CLEC17A: variants seen among roughly 807,000 people sequenced by gnomAD.
CLEC17A encodes C-type lectin domain containing 17A, also known as C-type lectin domain family 17, member A.
A neutral mutation model predicts 61.3 loss-of-function variants in CLEC17A; 37 were observed. That is an observed-to-expected ratio of 0.60 (90% CI 0.46 to 0.79). CLEC17A has a LOEUF of 0.79. CLEC17A is among the 30% of genes least tolerant of loss of function. The pLI, the probability that CLEC17A is intolerant of heterozygous loss-of-function variation, is 0.00. For synonymous variants in CLEC17A, 168 were observed against 164.9 expected, an observed-to-expected ratio of 1.02 and a Z score of -0.14; for missense variants, 418 against 464.7, an observed-to-expected ratio of 0.90 and a Z score of 0.92.
chr19:14,595,417 A>G lies in CLEC17A; in HGVS notation c.445+102A>G, dbSNP rs976455785. On this transcript the variant is annotated intron_variant, in intron 8 of 13. Transcript: ENST00000417570. ...GAGTCAGAGGAACTTCTCCTTTAAG[A>G]AGCTGCTCCTTCAGGACCTGCTGCA... The G allele has an allele frequency of 1.1e-5, 15 of 1,314,702 alleles. No individual in the cohort carries two copies. In the Admixed American group the frequency reaches 2.7e-4, roughly 23 times the overall value. The allele number at this position is 1,314,702 out of a possible 1,614,324, so 81.4% of individuals were successfully genotyped here.
intron 3 of CLEC17A, among the ~76,000 whole-genome samples, chr19:14,591,179 G>A (rs2074405687): frequency 6.6e-6 from 1 of 150,910 alleles, no homozygotes; most frequent in African/African-American, 2.4e-5. Flanking sequence ...TTTTGAGACA[G>A]AGTTTTGCTC....
At chr19:14,594,824 A>C in intron 7 of CLEC17A, 24 bp downstream of exon 7, 2 of 1,606,882 alleles carry the variant, frequency 1.2e-6, no homozygotes, top group South Asian at 2.2e-5. Context: ...AGACCCTTTA[A>C]GATGCCTAAG....
At position 14,594,507 on chromosome 19, in the gene CLEC17A, T is replaced by C. The variant is rs778637159; in HGVS notation, c.278-10T>C. ...CAGCCCAGCCCTCACCCTGAGCTTC[T>C]CTTCTCCAGGTTCAAGTGCTCCACC... On this transcript the variant is annotated splice_polypyrimidine_tract_variant and intron_variant, in intron 4 of 13. Transcript: ENST00000417570. The C allele has an allele frequency of 6.3e-7, 1 of 1,576,448 alleles. No individual in the cohort carries two copies. The highest frequency in any genetic ancestry group is 1.2e-5 in the South Asian group (1 of 86,556).
chr19:14,595,410 C>T, intron 8 of CLEC17A, 95 bp downstream of exon 8: 8 of 1,359,638 alleles, frequency 5.9e-6, no homozygotes, highest in Non-Finnish European at 7.3e-6. Flanking sequence ...GGAACTTCTC[C>T]TTTAAGAAGC....
chr19:14,586,888 T>C (rs545846005), intron 2 of CLEC17A, among the ~76,000 whole-genome samples: 1 of 116,268 alleles, frequency 8.6e-6, no homozygotes, highest in South Asian at 2.9e-4. Context: ...TCTTTCTTTC[T>C]TTCTTTTTTT....
At chr19:14,609,116 A>C (rs996577578) in intron 13 of CLEC17A, among the ~76,000 whole-genome samples, 6 of 152,126 alleles carry the variant, frequency 3.9e-5, no homozygotes, top group African/African-American at 1.4e-4. Context: ...TGGCTGCTAA[A>C]GGCTCACAGG....
chr19:14,596,824 T>C, intron 8 of CLEC17A, 52 bp from the exon 9 acceptor site: 1 of 1,587,348 alleles, frequency 6.3e-7, no homozygotes, highest in South Asian at 1.2e-5. Context: ...GTCTCTTCCT[T>C]ACTCTCTGAA....
At chr19:14,591,699 T>A (rs1368461491) in intron 3 of CLEC17A, among the ~76,000 whole-genome samples, 1 of 151,900 alleles carries the variant, frequency 6.6e-6, no homozygotes, top group African/African-American at 2.4e-5. Flanking sequence ...GATTACAGGC[T>A]TGCACCATCA....
At chr19:14,594,371 C>A (rs980668607) in intron 4 of CLEC17A, 146 bp from the exon 5 acceptor site, 6 of 990,432 alleles carry the variant, frequency 6.1e-6, no homozygotes, top group Non-Finnish European at 9.3e-6. Context: ...CATCTCCATC[C>A]CTAATCCCAA....
intron 2 of CLEC17A, among the ~76,000 whole-genome samples, chr19:14,587,262 T>TG (rs879310434): frequency 0.19 from 27,195 of 142,058 alleles, 4,190 homozygotes; most frequent in African/African-American, 0.48. Flanking sequence ...TGTGTGTGTG[T>TG]TTGTGTTTGT....
intron 4 of CLEC17A, among the ~76,000 whole-genome samples, chr19:14,593,943 C>G (rs2074482958): frequency 1.3e-5 from 2 of 150,946 alleles, no homozygotes; most frequent in Non-Finnish European, 2.9e-5. Context: ...GCCTGGGAGA[C>G]AGAGAGAGAC....
chr19:14,585,866 C>T (rs1177192749), intron 2 of CLEC17A, among the ~76,000 whole-genome samples: 2 of 147,664 alleles, frequency 1.4e-5, no homozygotes, highest in Non-Finnish European at 3.0e-5. Context: ...TTTTAAGTCA[C>T]TGCGTTTTGG....
intron 2 of CLEC17A, among the ~76,000 whole-genome samples, chr19:14,586,832 A>G (rs1054023393): frequency 6.6e-5 from 10 of 151,746 alleles, no homozygotes; most frequent in Admixed American, 5.9e-4. Flanking sequence ...GGGGAGCTCA[A>G]CTGGGAGCGG....
At chr19:14,589,870 T>C (rs900817731) in intron 3 of CLEC17A, among the ~76,000 whole-genome samples, 7 of 131,218 alleles carry the variant, frequency 5.3e-5, no homozygotes, top group Admixed American at 3.4e-4. Flanking sequence ...TGCCATGTTG[T>C]GAAGATGCCC....
chr19:14,587,095 G>A (rs2074302514), intron 2 of CLEC17A, among the ~76,000 whole-genome samples: 1 of 151,756 alleles, frequency 6.6e-6, no homozygotes, highest in African/African-American at 2.4e-5. Flanking sequence ...CACCACGTTG[G>A]TTGCCCAGGC....
Position 14,607,056 on chromosome 19 carries a change from C to A in CLEC17A, c.958C>A (p.Gln320Lys). The change falls in exon 13 of 14, where the codon CAG becomes AAG. Residue 320 changes from glutamine (Q) to lysine (K), a missense_variant. By Grantham distance (53) the Gln-to-Lys change is moderately conservative. Coordinates refer to ENST00000417570, the MANE Select transcript of CLEC17A (RefSeq NM_001204118.2). ...CTGGCTGGGGCTGAATGACAGGGCC[C>A]AGGAAGGGGACTGGAGGTGGCTGGA... ...VYWLGLNDRA[Q>K]EGDWRWLDGS... 1 of 1,354,954 alleles carries A rather than the reference C, an allele frequency of 7.4e-7. No homozygotes were observed. The highest frequency in any genetic ancestry group is 1.8e-5 in the South Asian group (1 of 55,740). 83.9% of individuals were successfully genotyped at this position (1,354,954 alleles called of 1,614,324 possible).
intron 2 of CLEC17A, among the ~76,000 whole-genome samples, chr19:14,584,549 C>T (rs1432209888): frequency 6.6e-6 from 1 of 152,058 alleles, no homozygotes; most frequent in Non-Finnish European, 1.5e-5. Context: ...AGACAGGAGC[C>T]ATTCTGTGAG....
At chr19:14,591,051 G>A (rs540982373) in intron 3 of CLEC17A, among the ~76,000 whole-genome samples, 15 of 152,144 alleles carry the variant, frequency 9.9e-5, no homozygotes, top group Middle Eastern at 3.4e-3. Flanking sequence ...ATTGCAGGAA[G>A]AAGTTTATCC....
intron 3 of CLEC17A, chr19:14,588,785 G>A (rs1329428832): frequency 6.6e-6 from 1 of 152,068 alleles, no homozygotes; most frequent in African/African-American, 2.4e-5. Context: ...CTGATGGCCT[G>A]GTCCTGGTGA....
Sources: allele counts gnomAD v4.1 joint callset (sites outside exome capture counted in the v4.1 genomes callset), GRCh38; gene constraint gnomAD v4.1.1; transcripts MANE v1.5; gene names NCBI Gene and HGNC (gene_info 2026-07-23, HGNC 2026-07-21).